Variants in ABCC4 observed in about 807,000 individuals in gnomAD.
ABCC4 encodes the protein ATP binding cassette subfamily C member 4 (PEL blood group).
A neutral mutation model predicts 168.5 loss-of-function variants in ABCC4; 102 were observed. The observed-to-expected ratio is 0.61, with a 90% CI of 0.52 to 0.71. The LOEUF (loss-of-function observed/expected upper bound fraction) is 0.71, where lower values mean the gene tolerates loss of function less well. Among genes scored for constraint, ABCC4 ranks in the 30% least tolerant of loss-of-function variants. The pLI is 0.00. For synonymous variants in ABCC4, 617 were observed against 590.7 expected (o/e 1.04, Z -0.65); for missense variants, 1,402 against 1,605.8 (o/e 0.87, Z 2.17).
chr13:95,189,124 C>CTTTTTT (rs61449462), intron 9 of ABCC4, among the ~76,000 whole-genome samples: 1 of 67,266 alleles, frequency 1.5e-5, no homozygotes, highest in Non-Finnish European at 2.6e-5. Context: ...AAACAATATT[C>CTTTTTT]TTTTTTTTTT....
chr13:95,126,511 C>T (rs375763231), intron 19 of ABCC4, among the ~76,000 whole-genome samples: 11 of 151,792 alleles, frequency 7.2e-5, no homozygotes, highest in Non-Finnish European at 1.3e-4. Flanking sequence ...AGTGTGAGAA[C>T]GTGACTGAAC....
intron 25 of ABCC4, among the ~76,000 whole-genome samples, chr13:95,070,067 A>T (rs1019417943): frequency 2.6e-5 from 4 of 152,112 alleles, no homozygotes; most frequent in Middle Eastern, 6.3e-3. Flanking sequence ...AACATGGCAA[A>T]ACCTGGTCTC....
At chr13:95,183,900 C>T (rs1401882230) in intron 11 of ABCC4, among the ~76,000 whole-genome samples, 2 of 148,122 alleles carry the variant, frequency 1.4e-5, no homozygotes, top group African/African-American at 2.6e-5. Flanking sequence ...GGTGACAGAG[C>T]GAGACTCCAT....
At chr13:95,065,753 C>T (rs1422512873) in intron 25 of ABCC4, among the ~76,000 whole-genome samples, 1 of 152,176 alleles carries the variant, frequency 6.6e-6, no homozygotes, top group Non-Finnish European at 1.5e-5. Context: ...AACTACCCTC[C>T]AGAAATATGA....
chr13:95,211,037 T>TACAAAAGG (rs1333730232), intron 4 of ABCC4, among the ~76,000 whole-genome samples: 1 of 151,890 alleles, frequency 6.6e-6, no homozygotes, highest in Admixed American at 6.6e-5. Context: ...CGCCCCCAAG[T>TACAAAAGG]ACAAAAGGAC....
chr13:95,170,500 G>T, intron 14 of ABCC4, 32 bp downstream of exon 14: 1 of 1,419,608 alleles, frequency 7.0e-7, no homozygotes, highest in Non-Finnish European at 9.8e-7. Context: ...CCAAGTACTT[G>T]CAAGTTCGGG....
At chr13:95,188,416 G>C in intron 10 of ABCC4, 37 bp downstream of exon 10, 11 of 1,579,634 alleles carry the variant, frequency 7.0e-6, no homozygotes, top group Non-Finnish European at 9.6e-6. Context: ...ATGATAAGTG[G>C]GGTTGCAACA....
Position 95,083,661 on chromosome 13 carries a change from G to A in ABCC4, c.2536-371C>T, listed in dbSNP as rs369968663. 1.1e-4 allele frequency among the ~76,000 whole-genome samples: 16 copies of A among 151,756 alleles called. No homozygotes were observed. The East Asian group carries it at 1.7e-3, about 16-fold the overall frequency. On this transcript the variant is annotated intron_variant, in intron 20 of 30. Coordinates refer to ENST00000645237, the MANE Select transcript of ABCC4 (RefSeq NM_005845.5). ...CCTGCCTCAGTTTCCTGAGTAGCTG[G>A]GACTACAGGTGCATGTCACCATGCC...
chr13:95,262,612 A>G (rs1437902255), intron 1 of ABCC4, among the ~76,000 whole-genome samples: 4 of 151,068 alleles, frequency 2.6e-5, no homozygotes, highest in African/African-American at 9.8e-5. Flanking sequence ...AGCTGAAGTC[A>G]AACGAAATGA....
chr13:95,055,252 C>T (rs1413931881), intron 26 of ABCC4, among the ~76,000 whole-genome samples: 1 of 152,220 alleles, frequency 6.6e-6, no homozygotes, highest in Non-Finnish European at 1.5e-5. Context: ...ACTTGACTTA[C>T]TCTTTGTAAT....
intron 1 of ABCC4, among the ~76,000 whole-genome samples, chr13:95,261,061 G>A (rs1053066357): frequency 6.6e-6 from 1 of 151,714 alleles, no homozygotes; most frequent in Non-Finnish European, 1.5e-5. Context: ...GAAAAACATC[G>A]CAACCCAAGT....
At chr13:95,109,098 C>T (rs887308704) in intron 20 of ABCC4, among the ~76,000 whole-genome samples, 1 of 152,176 alleles carries the variant, frequency 6.6e-6, no homozygotes, top group African/African-American at 2.4e-5. Context: ...CAGTTAACTG[C>T]TCCATGCTCT....
intron 1 of ABCC4, among the ~76,000 whole-genome samples, chr13:95,289,937 A>C (rs756769120): frequency 6.6e-5 from 10 of 151,994 alleles, no homozygotes; most frequent in Non-Finnish European, 1.2e-4. Flanking sequence ...TCTCTACTAA[A>C]AATACAAAAT....
At chr13:95,046,159 G>A (rs1222422436) in intron 27 of ABCC4, among the ~76,000 whole-genome samples, 1 of 152,116 alleles carries the variant, frequency 6.6e-6, no homozygotes, top group Non-Finnish European at 1.5e-5. Context: ...CCCATGTGAT[G>A]GAACTGATCA....
intron 23 of ABCC4, 94 bp downstream of exon 23, chr13:95,074,120 T>A (rs778133600): frequency 2.2e-6 from 2 of 927,866 alleles, no homozygotes; most frequent in Non-Finnish European, 3.3e-6. Flanking sequence ...CCAAACAGTA[T>A]GTAGTAGTAG....
chr13:95,084,658 A>G (rs1678349), intron 20 of ABCC4, among the ~76,000 whole-genome samples: 1 of 152,112 alleles, frequency 6.6e-6, no homozygotes, highest in Non-Finnish European at 1.5e-5. Flanking sequence ...TAGCTTTAAC[A>G]CTTGGATATG....
intron 26 of ABCC4, among the ~76,000 whole-genome samples, chr13:95,057,913 G>A (rs2033125183): frequency 6.6e-6 from 1 of 152,186 alleles, no homozygotes; most frequent in Non-Finnish European, 1.5e-5. Flanking sequence ...TGAGGAAGAG[G>A]GGTGTATGCT....
chr13:95,062,830 T>C lies in ABCC4; in HGVS notation c.3240A>G (p.Gly1080=). ...KVGIVGRTGA[G]KSSLISALFR... is the part of the protein sequence containing the mutation. ...AAAGGGCTGAGATGAGGGAACTTTTTCCAGCTCCGGTTCTTCCCACAATGC... is the reference window on the plus strand; with the variant it reads ...AAAGGGCTGAGATGAGGGAACTTTTCCCAGCTCCGGTTCTTCCCACAATGC... Residue 1080 remains glycine (G), a synonymous_variant, in exon 26 of 31, where the codon GGA becomes GGG. Coordinates refer to ENST00000645237, the MANE Select transcript of ABCC4 (RefSeq NM_005845.5). The C allele has an allele frequency of 6.2e-7, 1 of 1,613,728 alleles. No individual in the cohort carries two copies.
At chr13:95,219,280 T>C (rs1362299276) in intron 4 of ABCC4, among the ~76,000 whole-genome samples, 1 of 152,094 alleles carries the variant, frequency 6.6e-6, no homozygotes, top group Non-Finnish European at 1.5e-5. Flanking sequence ...CTGAACTGGT[T>C]TATCGACTGA....
Sources: gnomAD v4.1 joint callset for allele counts (sites outside exome capture counted in the v4.1 genomes callset) on GRCh38, gnomAD v4.1.1 for gene constraint, MANE v1.5 for transcripts, NCBI Gene and HGNC (gene_info 2026-07-23, HGNC 2026-07-21) for gene names.